The following CD36 variants were observed in gnomAD, a reference collection of about 807,000 sequenced individuals.
The protein encoded by CD36 is CD36 molecule (CD36 blood group), also known as platelet glycoprotein 4.
Under a neutral mutation model 55.2 loss-of-function variants are expected in CD36, and 119 were observed. The ratio of observed to expected loss-of-function variants is 2.15; its 90% CI spans 1.86 to 2.51. The LOEUF is 2.51. CD36 is among the 30% of genes most tolerant of loss of function. CD36 has a pLI of 0.00. For synonymous variants in CD36, 186 were observed against 193.6 expected, an observed-to-expected ratio of 0.96 and a Z score of 0.33; for missense variants, 819 against 555.5, an observed-to-expected ratio of 1.47 and a Z score of -4.77.
rs759343754 is a variant in CD36 at position 80,656,589 on chromosome 7, C to A, written c.170C>A (p.Thr57Lys). 2 of 1,613,692 alleles carry A rather than the reference C, an allele frequency of 1.2e-6. No individual in the cohort carries two copies. Among genetic ancestry groups the A allele is most frequent in the East Asian group, 4.5e-5 (2 of 44,804 alleles). The change falls in exon 4 of 15, where the codon ACA becomes AAA. Residue 57 changes from threonine (T) to lysine (K), a missense_variant. Physicochemically the swap from Thr to Lys is moderately conservative, Grantham distance 78. Transcript: ENST00000447544. ...GTIAFKNWVKTGTEVYRQFWI... is the reference protein window; with the variant it reads ...GTIAFKNWVKKGTEVYRQFWI... Reference sequence around the variant, plus strand: ...ATTGCTTTTAAAAATTGGGTTAAAACAGGCACAGAAGTTTACAGACAGTTT... The same window carrying A: ...ATTGCTTTTAAAAATTGGGTTAAAAAAGGCACAGAAGTTTACAGACAGTTT...
chr7:80,664,639 G>T (rs1796866056), intron 7 of CD36, 142 bp downstream of exon 7: 1 of 668,674 alleles, frequency 1.5e-6, no homozygotes, highest in East Asian at 2.7e-5. Flanking sequence ...CTCCTGTTCT[G>T]CTAGGTATTA....
intron 6 of CD36, among the ~76,000 whole-genome samples, chr7:80,663,571 C>A (rs1011142320): frequency 6.8e-6 from 1 of 147,516 alleles, no homozygotes; most frequent in Non-Finnish European, 1.5e-5. Context: ...AGACCTCTTA[C>A]AATTTTAATT....
chr7:80,665,157 A>G (rs1455846313), intron 7 of CD36, among the ~76,000 whole-genome samples: 2 of 152,096 alleles, frequency 1.3e-5, no homozygotes, highest in Non-Finnish European at 2.9e-5. Flanking sequence ...TGCCAACTTT[A>G]AAGTGGTAAA....
intron 1 of CD36, among the ~76,000 whole-genome samples, chr7:80,627,746 T>G (rs1472887098): frequency 6.6e-6 from 1 of 152,104 alleles, no homozygotes; most frequent in Non-Finnish European, 1.5e-5. Context: ...TGAATTATTT[T>G]AATACATTTT....
chr7:80,613,683 G>C (rs118158200), intron 1 of CD36, among the ~76,000 whole-genome samples: 3 of 152,078 alleles, frequency 2.0e-5, no homozygotes, highest in Non-Finnish European at 4.4e-5. Flanking sequence ...AGAGATGCTT[G>C]TCAGGGGCCT....
intron 1 of CD36, among the ~76,000 whole-genome samples, chr7:80,616,456 C>A (rs1245541009): frequency 9.3e-6 from 1 of 108,084 alleles, no homozygotes; most frequent in Non-Finnish European, 1.9e-5. Flanking sequence ...TGTGCCTGCA[C>A]GCACACACAC....
intron 8 of CD36, among the ~76,000 whole-genome samples, chr7:80,667,892 A>T (rs765379631): frequency 4.0e-4 from 61 of 151,798 alleles, no homozygotes; most frequent in Non-Finnish European, 6.9e-4. Flanking sequence ...TTGGGACTAC[A>T]GGCATGTGCC....
At position 80,672,160 on chromosome 7, in the gene CD36, T is replaced by TTGAAAGTTAC. The variant is rs1797747702; in HGVS notation, c.1125+126_1125+135dup. On this transcript the variant is annotated intron_variant, in intron 11 of 14. Transcript: ENST00000447544. ...TAATCATATTTATTGAATCACATTC[T>TTGAAAGTTAC]TGAAAGTTACTGAAACTTAGGTCGA... is the stretch of plus-strand genomic sequence containing the variant. 10 of 863,080 alleles carry TTGAAAGTTAC rather than the reference T, an allele frequency of 1.2e-5. No homozygotes were observed. In the South Asian group the frequency reaches 1.6e-4, roughly 14 times the overall value. The allele number at this position is 863,080 out of a possible 1,614,324, so 53.5% of individuals were successfully genotyped here.
At chr7:80,672,693 TGTAAGAAAA>T (rs1797813078) in intron 11 of CD36, 68 bp from the exon 12 acceptor site, 2 of 976,222 alleles carry the variant, frequency 2.0e-6, no homozygotes, top group Admixed American at 4.0e-5. Context: ...TCTCTTCTGC[TGTAAGAAAA>T]ATAAGTTTTG....
At chr7:80,664,604 CCTGGTTATAATTCAGCT>C (rs1353202718) in intron 7 of CD36, 107 bp downstream of exon 7, 1 of 749,712 alleles carries the variant, frequency 1.3e-6, no homozygotes, top group African/African-American at 1.7e-5. Context: ...ATAGAACAGA[CCTGGTTATAATTCAGCT>C]CTGGAAACTC....
At chr7:80,669,400 A>T (rs1797425764) in intron 8 of CD36, among the ~76,000 whole-genome samples, 2 of 152,184 alleles carry the variant, frequency 1.3e-5, no homozygotes, top group African/African-American at 4.8e-5. Flanking sequence ...TTACATGTTA[A>T]AATATTTTGG....
At chr7:80,673,819 T>TAATTGCCTTTC (rs1797972296) in intron 13 of CD36, 164 bp from the exon 14 acceptor site, 4 of 662,704 alleles carry the variant, frequency 6.0e-6, no homozygotes, top group Middle Eastern at 3.9e-4. Flanking sequence ...ATCTGGCACT[T>TAATTGCCTTTC]AATTGCCTTT....
chr7:80,645,347 A>G (rs2116378945), intron 1 of CD36, among the ~76,000 whole-genome samples: 1 of 150,704 alleles, frequency 6.6e-6, no homozygotes, highest in Non-Finnish European at 1.5e-5. Flanking sequence ...ATAATCACAT[A>G]CTATGGCTGG....
At chr7:80,620,654 TG>T (rs953894413) in intron 1 of CD36, among the ~76,000 whole-genome samples, 1 of 152,012 alleles carries the variant, frequency 6.6e-6, no homozygotes, top group Non-Finnish European at 1.5e-5. Flanking sequence ...GGATCCTGTC[TG>T]GGGAGAGTCT....
intron 1 of CD36, among the ~76,000 whole-genome samples, chr7:80,603,380 G>A (rs1217779639): frequency 1.3e-5 from 2 of 152,102 alleles, no homozygotes; most frequent in Non-Finnish European, 2.9e-5. Context: ...GTGCTAGACT[G>A]AATTCTGGGG....
intron 3 of CD36, among the ~76,000 whole-genome samples, chr7:80,651,397 G>A (rs905182590): frequency 2.6e-5 from 4 of 151,450 alleles, no homozygotes; most frequent in Admixed American, 2.6e-4. Context: ...AATAAAAGTT[G>A]GAAGAAAAAA....
At chr7:80,668,200 C>T (rs1797307163) in intron 8 of CD36, among the ~76,000 whole-genome samples, 1 of 152,108 alleles carries the variant, frequency 6.6e-6, no homozygotes, top group Non-Finnish European at 1.5e-5. Flanking sequence ...GATAAATATA[C>T]TGTGTTAATC....
At chr7:80,610,603 T>C (rs981857658) in intron 1 of CD36, among the ~76,000 whole-genome samples, 3 of 152,152 alleles carry the variant, frequency 2.0e-5, no homozygotes, top group African/African-American at 7.2e-5. Flanking sequence ...GACGGAGTCT[T>C]GCTCTGTCTC....
chr7:80,619,523 T>C (rs1417552846), intron 1 of CD36, among the ~76,000 whole-genome samples: 1 of 152,032 alleles, frequency 6.6e-6, no homozygotes, highest in African/African-American at 2.4e-5. Context: ...GGTACATACC[T>C]GTAGTCCCAG....
Sources: gnomAD v4.1 joint callset for allele counts (sites outside exome capture counted in the v4.1 genomes callset) on GRCh38, gnomAD v4.1.1 for gene constraint, MANE v1.5 for transcripts, NCBI Gene and HGNC (gene_info 2026-07-23, HGNC 2026-07-21) for gene names.